Variants in MCOLN2 observed in about 807,000 individuals in gnomAD.
MCOLN2 encodes the protein mucolipin TRP cation channel 2.
Under a neutral mutation model 67.5 loss-of-function variants are expected in MCOLN2, and 57 were observed. That is an observed-to-expected ratio of 0.84 (90% CI 0.68 to 1.05). The LOEUF is 1.05. MCOLN2 is among the 50% of genes least tolerant of loss of function. MCOLN2 has a pLI of 0.00. For missense variants in MCOLN2, 620 were observed against 678.8 expected (o/e 0.91, Z 0.96); for synonymous variants, 246 against 233.3 (o/e 1.05, Z -0.50).
At chr1:84,955,120 G>A (rs1448149815) in intron 4 of MCOLN2, among the ~76,000 whole-genome samples, 1 of 152,078 alleles carries the variant, frequency 6.6e-6, no homozygotes, top group Non-Finnish European at 1.5e-5. Context: ...TTTATAGGAG[G>A]CTTTTCTCAC....
intron 1 of MCOLN2, among the ~76,000 whole-genome samples, chr1:84,982,087 TAAA>T (rs67794449): frequency 0.019 from 2,849 of 148,952 alleles, 59 homozygotes; most frequent in African/African-American, 0.052. Context: ...TTTTTTTTTT[TAAA>T]AAAAAGATGA....
chr1:84,946,680 A>G (rs1217812748), intron 7 of MCOLN2, among the ~76,000 whole-genome samples: 1 of 152,090 alleles, frequency 6.6e-6, no homozygotes, highest in Admixed American at 6.6e-5. Flanking sequence ...TGGGATGTTC[A>G]ACCTATACTA....
intron 2 of MCOLN2, among the ~76,000 whole-genome samples, chr1:84,963,689 C>T (rs957957078): frequency 1.3e-4 from 20 of 152,274 alleles, no homozygotes; most frequent in Admixed American, 8.5e-4. Context: ...CCCCTTTGCT[C>T]TCTCTCATGC....
chr1:84,994,946 C>G (rs984578535), intron 1 of MCOLN2, among the ~76,000 whole-genome samples: 1 of 152,142 alleles, frequency 6.6e-6, no homozygotes, highest in African/African-American at 2.4e-5. Flanking sequence ...CACTCAAACA[C>G]TTAGAGACCA....
chr1:84,989,091 T>C lies in MCOLN2; in HGVS notation c.77+7705A>G, dbSNP rs377195661. ...AATCACAATCTTTATTGGTCTCCCC[T>C]ACAATGGACTTCATGAAGGGTGGGT... is the stretch of plus-strand genomic sequence containing the variant. On this transcript the variant is annotated intron_variant, in intron 1 of 13. Transcript: ENST00000370608. Among the ~76,000 whole-genome samples the C allele has an allele frequency of 5.9e-5, 9 of 152,304 alleles. No homozygotes were observed. In the East Asian group the frequency reaches 1.5e-3, roughly 26 times the overall value.
Position 84,939,676 on chromosome 1 carries a change from C to T in MCOLN2, c.987G>A (p.Lys329=), listed in dbSNP as rs901643568. 6.2e-7 allele frequency: 1 copy of T among 1,614,092 alleles called. No individual in the cohort carries two copies. Among genetic ancestry groups the T allele is most frequent in the South Asian group, 1.1e-5 (1 of 91,078 alleles). ...RKRFLNFFLE[K]YKRPVCDTDQ... ...CGGTGTCACACACAGGCCGCTTGTA[C>T]TTCTCCAGGAAGAAATTTAGAAATC... The change falls in exon 9 of 14, where the codon AAG becomes AAA. Residue 329 remains lysine, a synonymous_variant. Transcript: ENST00000370608.
At chr1:84,984,328 C>T (rs1188427009) in intron 1 of MCOLN2, among the ~76,000 whole-genome samples, 1 of 152,198 alleles carries the variant, frequency 6.6e-6, no homozygotes, top group Non-Finnish European at 1.5e-5. Context: ...CTGAATCTGA[C>T]AGCACCCTTA....
chr1:84,970,284 C>T (rs1649605370), intron 1 of MCOLN2, among the ~76,000 whole-genome samples: 2 of 150,496 alleles, frequency 1.3e-5, no homozygotes, highest in Admixed American at 6.6e-5. Context: ...AACACACACA[C>T]ACACAGCCTC....
rs1222854774 is a variant in MCOLN2 at position 84,925,943 on chromosome 1, G to A, written c.*742C>T. ...CTCACTCTGTCACCCAGGCTGGAGT[G>A]TAGTGGCACGATCATGGCTCATGGC... On this transcript the variant is annotated 3_prime_UTR_variant, in exon 14 of 14. Coordinates refer to ENST00000370608, the MANE Select transcript of MCOLN2 (RefSeq NM_153259.4). 1 of 151,836 alleles carries A rather than the reference G, an allele frequency of 6.6e-6. No homozygotes were observed. Among genetic ancestry groups the A allele is most frequent in the Admixed American group, 6.6e-5 (1 of 15,208 alleles). The allele number at this position is 151,836 out of a possible 1,614,324, so 9.4% of individuals were successfully genotyped here.
chr1:84,983,415 T>C (rs766538006), intron 1 of MCOLN2, among the ~76,000 whole-genome samples: 21 of 151,992 alleles, frequency 1.4e-4, no homozygotes, highest in Non-Finnish European at 2.8e-4. Context: ...ACCATAGGTG[T>C]ATGCTGCCAT....
At chr1:84,950,585 G>A (rs545460266) in intron 6 of MCOLN2, among the ~76,000 whole-genome samples, 1 of 152,268 alleles carries the variant, frequency 6.6e-6, no homozygotes, top group South Asian at 2.1e-4. Flanking sequence ...TCTACCTTAT[G>A]AAATTTAAAT....
At chr1:84,978,055 C>T (rs1650078275) in intron 1 of MCOLN2, among the ~76,000 whole-genome samples, 1 of 152,014 alleles carries the variant, frequency 6.6e-6, no homozygotes, top group African/African-American at 2.4e-5. Context: ...CTAACCACAA[C>T]AGAATAAAAC....
Position 84,929,671 on chromosome 1 carries a change from T to C in MCOLN2, c.1551A>G (p.Gln517=), listed in dbSNP as rs1661309450. ...TDSYDTIKKF[Q]QNGFPETDLQ... is the part of the protein sequence containing the mutation. Reference sequence around the variant, plus strand: ...AATCCGTTTCAGGAAACCCATTCTGTTGGAATTTCTTTAGAAAGTACACAA... The same window carrying C: ...AATCCGTTTCAGGAAACCCATTCTGCTGGAATTTCTTTAGAAAGTACACAA... Residue 517 remains glutamine, a synonymous_variant, in exon 13 of 14, where the codon CAA becomes CAG. Transcript: ENST00000370608. 1 of 1,612,962 alleles carries C rather than the reference T, an allele frequency of 6.2e-7. No individual in the cohort carries two copies. Among genetic ancestry groups the C allele is most frequent in the Non-Finnish European group, 8.5e-7 (1 of 1,179,222 alleles).
chr1:84,949,632 A>G (rs537726753), intron 6 of MCOLN2, among the ~76,000 whole-genome samples: 5 of 152,152 alleles, frequency 3.3e-5, no homozygotes, highest in Non-Finnish European at 7.4e-5. Flanking sequence ...GCAACAGAGC[A>G]AGACTCCGTC....
intron 1 of MCOLN2, among the ~76,000 whole-genome samples, chr1:84,987,407 T>G (rs1309194673): frequency 7.2e-6 from 1 of 139,082 alleles, no homozygotes; most frequent in East Asian, 2.0e-4. Flanking sequence ...TATAGATATA[T>G]TTATATATGT....
At chr1:84,990,012 C>G (rs1353421628) in intron 1 of MCOLN2, among the ~76,000 whole-genome samples, 7 of 152,018 alleles carry the variant, frequency 4.6e-5, no homozygotes, top group Admixed American at 4.6e-4. Flanking sequence ...AATCAAACTT[C>G]TGGGCCGGGC....
chr1:84,987,440 A>G (rs10873673), intron 1 of MCOLN2, among the ~76,000 whole-genome samples: 91,550 of 114,068 alleles, frequency 0.8, 37,829 homozygotes, highest in Non-Finnish European at 0.88. Context: ...ACGTATATAG[A>G]TATATACATA....
At chr1:84,994,810 G>C (rs1206522307) in intron 1 of MCOLN2, among the ~76,000 whole-genome samples, 4 of 152,104 alleles carry the variant, frequency 2.6e-5, no homozygotes, top group Non-Finnish European at 5.9e-5. Context: ...CATCTCATAT[G>C]CATTCAAAAC....
chr1:84,993,724 G>A (rs1339737261), intron 1 of MCOLN2, among the ~76,000 whole-genome samples: 2 of 148,070 alleles, frequency 1.4e-5, no homozygotes, highest in African/African-American at 2.5e-5. Context: ...TCCGCCTCCC[G>A]GGTTCACGCC....
Sources: gnomAD v4.1 joint callset for allele counts (sites outside exome capture counted in the v4.1 genomes callset) on GRCh38, gnomAD v4.1.1 for gene constraint, MANE v1.5 for transcripts, NCBI Gene and HGNC (gene_info 2026-07-23, HGNC 2026-07-21) for gene names.